Variants in MAGI2 observed in about 807,000 individuals in gnomAD.
MAGI2 encodes membrane associated guanylate kinase, WW and PDZ domain containing 2.
A neutral mutation model predicts 133.3 loss-of-function variants in MAGI2; 35 were observed. The observed-to-expected ratio is 0.26, with a 90% confidence interval of 0.20 to 0.35. The LOEUF is 0.35. MAGI2 is among the 10% of genes least tolerant of loss of function. The pLI, the probability that MAGI2 is intolerant of heterozygous loss-of-function variation, is 1.00. For missense variants in MAGI2, 1,636 were observed against 1,863.4 expected (o/e 0.88, Z 2.25); for synonymous variants, 729 against 710.6 (o/e 1.03, Z -0.41).
intron 1 of MAGI2, among the ~76,000 whole-genome samples, chr7:79,423,730 T>C (rs1372073369): frequency 6.6e-6 from 1 of 152,142 alleles, no homozygotes; most frequent in East Asian, 1.9e-4. Flanking sequence ...TTTTTAGTCA[T>C]TCAATCAACC....
At chr7:78,632,741 A>G (rs1464879118) in intron 2 of MAGI2, among the ~76,000 whole-genome samples, 1 of 152,202 alleles carries the variant, frequency 6.6e-6, no homozygotes, top group Non-Finnish European at 1.5e-5. Flanking sequence ...CCTCATTTTT[A>G]AAAGAAGAAA....
At chr7:78,833,476 A>T (rs1791366632) in intron 2 of MAGI2, among the ~76,000 whole-genome samples, 1 of 152,162 alleles carries the variant, frequency 6.6e-6, no homozygotes, top group African/African-American at 2.4e-5. Flanking sequence ...CGACCTGCCA[A>T]TCTGCCTGGG....
intron 1 of MAGI2, among the ~76,000 whole-genome samples, chr7:79,138,247 A>C (rs570711764): frequency 6.6e-5 from 10 of 152,326 alleles, no homozygotes; most frequent in African/African-American, 2.2e-4. Context: ...AAACAAATAC[A>C]GACCAGGCTC....
chr7:79,224,402 G>C (rs569600816), intron 1 of MAGI2, among the ~76,000 whole-genome samples: 13 of 151,916 alleles, frequency 8.6e-5, no homozygotes, highest in Non-Finnish European at 1.9e-4. Context: ...GCTAAACAGT[G>C]AGTACTTTAT....
Position 78,776,595 on chromosome 7 carries a change from C to T in MAGI2, c.419-149356G>A, listed in dbSNP as rs189163270. Among the ~76,000 whole-genome samples, 162 of 152,310 alleles carry T rather than the reference C, an allele frequency of 1.1e-3. 3 individuals are homozygous for T. Among genetic ancestry groups the T allele is most frequent in the Non-Finnish European group, 3.1e-4 (21 of 68,012 alleles). ...AATTATTTTCAATATTTCCATGGAACATTTCTGCACATTCTGAGATAATTC... is the reference window on the plus strand; with the variant it reads ...AATTATTTTCAATATTTCCATGGAATATTTCTGCACATTCTGAGATAATTC... On this transcript the variant is annotated intron_variant, in intron 2 of 21. Transcript: ENST00000354212.
At chr7:78,108,729 T>C (rs200331902) in intron 20 of MAGI2, among the ~76,000 whole-genome samples, 14 of 145,568 alleles carry the variant, frequency 9.6e-5, no homozygotes, top group Admixed American at 9.1e-4. Flanking sequence ...TGTGTGTGTA[T>C]ACACACACAT....
intron 19 of MAGI2, among the ~76,000 whole-genome samples, 161 bp downstream of exon 19, chr7:78,127,036 T>C (rs1821053660): frequency 6.6e-6 from 1 of 152,268 alleles, no homozygotes; most frequent in Non-Finnish European, 1.5e-5. Flanking sequence ...TCCAGCATGT[T>C]TCTGAGGATG....
intron 10 of MAGI2, chr7:78,253,776 A>G (rs1056770562): frequency 3.9e-5 from 6 of 152,194 alleles, no homozygotes; most frequent in Non-Finnish European, 1.5e-5. Context: ...TATAAATTAA[A>G]AACTCTAGTA....
intron 2 of MAGI2, among the ~76,000 whole-genome samples, chr7:78,653,149 G>A (rs1811760949): frequency 1.3e-5 from 2 of 152,148 alleles, no homozygotes; most frequent in Non-Finnish European, 1.5e-5. Flanking sequence ...ATGCTGGAGA[G>A]GATGTGGAGA....
chr7:78,172,899 A>T (rs1161500219), intron 14 of MAGI2, among the ~76,000 whole-genome samples: 1 of 152,216 alleles, frequency 6.6e-6, no homozygotes, highest in Non-Finnish European at 1.5e-5. Context: ...AGACGGGGTC[A>T]TTCTGAGATT....
intron 2 of MAGI2, among the ~76,000 whole-genome samples, chr7:78,889,060 G>T (rs1343235439): frequency 6.6e-6 from 1 of 152,162 alleles, no homozygotes; most frequent in Non-Finnish European, 1.5e-5. Flanking sequence ...GAAAACCATG[G>T]CACAAGAACT....
chr7:78,130,414 C>A (rs1821448000), intron 18 of MAGI2, among the ~76,000 whole-genome samples: 1 of 152,156 alleles, frequency 6.6e-6, no homozygotes, highest in African/African-American at 2.4e-5. Context: ...GTGGGCACTT[C>A]TTACACAAAT....
intron 1 of MAGI2, among the ~76,000 whole-genome samples, chr7:79,104,107 T>A (rs993680285): frequency 6.6e-6 from 1 of 152,182 alleles, no homozygotes. Context: ...GTGTTATAAG[T>A]GAACAAAGGG....
chr7:78,157,388 T>C (rs1198841585), intron 16 of MAGI2, among the ~76,000 whole-genome samples: 1 of 152,188 alleles, frequency 6.6e-6, no homozygotes, highest in Non-Finnish European at 1.5e-5. Flanking sequence ...TGCCATTTGG[T>C]AGGAAGAAAA....
chr7:79,190,933 A>T (rs1827603883), intron 1 of MAGI2, among the ~76,000 whole-genome samples: 1 of 151,878 alleles, frequency 6.6e-6, no homozygotes, highest in Non-Finnish European at 1.5e-5. Flanking sequence ...AATAAGATAT[A>T]AATTTTCTCT....
chr7:78,094,906 A>T (rs1381333038), intron 20 of MAGI2, among the ~76,000 whole-genome samples: 1 of 152,076 alleles, frequency 6.6e-6, no homozygotes, highest in Non-Finnish European at 1.5e-5. Context: ...TTAAGTGGAG[A>T]AAGGGCCTTA....
At chr7:79,038,747 G>C (rs999918316) in intron 1 of MAGI2, among the ~76,000 whole-genome samples, 1 of 152,030 alleles carries the variant, frequency 6.6e-6, no homozygotes, top group Non-Finnish European at 1.5e-5. Context: ...GTTGTTCAAG[G>C]CTTTTTGCTT....
chr7:79,099,241 C>A (rs1457293614), intron 1 of MAGI2, among the ~76,000 whole-genome samples: 1 of 151,902 alleles, frequency 6.6e-6, no homozygotes, highest in Non-Finnish European at 1.5e-5. Flanking sequence ...GAGCAAAGTA[C>A]AATGACTTAT....
chr7:78,882,086 CAAAAA>C (rs771918590), intron 2 of MAGI2, among the ~76,000 whole-genome samples: 12 of 12,466 alleles, frequency 9.6e-4, no homozygotes, highest in South Asian at 5.3e-3. Context: ...ACAACAACAA[CAAAAA>C]AAAAAAAAAA....
Sources: gnomAD v4.1 joint callset for allele counts (sites outside exome capture counted in the v4.1 genomes callset) on GRCh38, gnomAD v4.1.1 for gene constraint, MANE v1.5 for transcripts, NCBI Gene and HGNC (gene_info 2026-07-23, HGNC 2026-07-21) for gene names.